The following TLR5 variants were observed in gnomAD, a reference collection of about 807,000 sequenced individuals.
TLR5 encodes toll like receptor 5.
For missense variants in TLR5, 944 were observed against 999.8 expected, an observed-to-expected ratio of 0.94 and a Z score of 0.75; for synonymous variants, 373 against 384.4, an observed-to-expected ratio of 0.97 and a Z score of 0.35.
Position 223,134,718 on chromosome 1 carries a change from T to C in TLR5, c.-206A>G, listed in dbSNP as rs1422830236. The C allele has an allele frequency of 6.6e-6, 1 of 152,196 alleles. No homozygotes were observed. The highest frequency in any genetic ancestry group is 2.4e-5 in the African/African-American group (1 of 41,374). The allele number at this position is 152,196 out of a possible 1,614,324, so 9.4% of individuals were successfully genotyped here. On this transcript the variant is annotated 5_prime_UTR_variant, in exon 4 of 6. An upstream open reading frame in the 5' UTR loses its in-frame stop. Transcript: ENST00000642603. ...TTCGGACAGCGCCAACATTCTCAAT[T>C]AGAAAATTAACATCTGAGGCTCCGA...
chr1:223,138,022 G>A (rs747599875), intron 2 of TLR5, among the ~76,000 whole-genome samples: 52 of 128,260 alleles, frequency 4.1e-4, no homozygotes, highest in Middle Eastern at 4.7e-3. Flanking sequence ...GAAGTGGTGC[G>A]ATCAGAGCTC....
rs533730130 is a variant in TLR5, at chr1:223,136,611, G to A, written c.-353+567C>T. On this transcript the variant is annotated intron_variant, in intron 3 of 5. Coordinates refer to ENST00000642603, the MANE Select transcript of TLR5 (RefSeq NM_003268.6). ...TTATATCTCTGACCAAGATGAGGAGGAATCTCAGACCCCAGAAACTCAGGA... is the reference window on the plus strand; with the variant it reads ...TTATATCTCTGACCAAGATGAGGAGAAATCTCAGACCCCAGAAACTCAGGA... Among the ~76,000 whole-genome samples, 17 of 152,290 alleles carry A rather than the reference G, an allele frequency of 1.1e-4. 1 individual carries two copies. The highest frequency in any genetic ancestry group is 6.5e-4 in the Admixed American group (10 of 15,292).
chr1:223,133,275 C>G (rs1657465188), intron 4 of TLR5, among the ~76,000 whole-genome samples: 1 of 152,148 alleles, frequency 6.6e-6, no homozygotes, highest in Non-Finnish European at 1.5e-5. Context: ...CTGTGGAGCT[C>G]GGATTTGAAT....
At chr1:223,133,076 GA>G (rs1327389939) in intron 4 of TLR5, among the ~76,000 whole-genome samples, 1 of 152,186 alleles carries the variant, frequency 6.6e-6, no homozygotes, top group Non-Finnish European at 1.5e-5. Context: ...ATGAGAGTGA[GA>G]CATTTCTAAG....
In TLR5 at chr1:223,112,727, A is replaced by T; in HGVS notation, c.305T>A (p.Leu102Gln). 1 of 1,614,258 alleles carries T rather than the reference A, an allele frequency of 6.2e-7. No homozygotes were observed. Among genetic ancestry groups the T allele is most frequent in the South Asian group, 1.1e-5 (1 of 91,078 alleles). ...RNLPNLRILD[L>Q]GSSKIYFLHP... ...CAAGAAGTATATCTTACTACTTCCC[A>T]GGTCCAAGATTCTAAGGTTGGGCAG... The change falls in exon 6 of 6, where the codon CTG (leucine) becomes CAG (glutamine). Residue 102 changes from leucine (L) to glutamine (Q), a missense_variant. By Grantham distance (113) the Leu-to-Gln change is moderately radical (BLOSUM62 -2). Coordinates refer to ENST00000642603, the MANE Select transcript of TLR5 (RefSeq NM_003268.6).
rs749687702 is a variant in TLR5 at position 223,112,316 on chromosome 1, G to C, written c.716C>G (p.Thr239Arg). Residue 239 changes from threonine (T) to arginine (R), a missense_variant, in exon 6 of 6, where the codon ACA becomes AGA. Coordinates refer to ENST00000642603, the MANE Select transcript of TLR5 (RefSeq NM_003268.6). The part of the protein sequence containing the change: ...EILDVSGNGW[T>R]VDITGNFSNA... ...GCTAAAGTTTCCTGTGATGTCCACT[G>C]TCCAGCCATTTCCAGAAACATCTAG... 7.4e-6 allele frequency: 12 copies of C among 1,614,122 alleles called. No individual in the cohort carries two copies. The South Asian group carries it at 1.3e-4, about 18-fold the overall frequency.
At position 223,112,630 on chromosome 1, in the gene TLR5, A is replaced by G. The variant is rs1656416669; in HGVS notation, c.402T>C (p.Ala134=). 1.5e-5 allele frequency: 25 copies of G among 1,614,130 alleles called. No homozygotes were observed. Among genetic ancestry groups the G allele is most frequent in the Non-Finnish European group, 2.0e-5 (24 of 1,180,054 alleles). ...LRLYFCGLSD[A]VLKDGYFRNL... ...TTCTGAAATAACCATCTTTCAATAC[A>G]GCATCAGAGAGACCACAGAAATACA... The change falls in exon 6 of 6, where the codon GCT becomes GCC. Residue 134 remains alanine (A), a synonymous_variant. Transcript: ENST00000642603.
chr1:223,110,489 T>C lies in TLR5; in HGVS notation c.2543A>G (p.Asn848Ser). Residue 848 changes from asparagine to serine, a missense_variant, in exon 6 of 6, where the codon AAC (asparagine) becomes AGC (serine). Asn to Ser is a conservative substitution (Grantham distance 46, BLOSUM62 1). Coordinates refer to ENST00000642603, the MANE Select transcript of TLR5 (RefSeq NM_003268.6). Reference protein sequence around the residue: ...KKEKEKKKDNNIPLQTVATIS With the variant: ...KKEKEKKKDNSIPLQTVATIS ...GGTTGCTACAGTTTGCAACGGAATGTTATTGTCTTTCTTCTTTTCTTTTTC... is the reference window on the plus strand; with the variant it reads ...GGTTGCTACAGTTTGCAACGGAATGCTATTGTCTTTCTTCTTTTCTTTTTC... 1.2e-6 allele frequency: 2 copies of C among 1,614,140 alleles called. No individual in the cohort carries two copies. The highest frequency in any genetic ancestry group is 1.7e-6 in the Non-Finnish European group (2 of 1,180,020).
chr1:223,133,146 G>A (rs1306196997), intron 4 of TLR5, among the ~76,000 whole-genome samples: 3 of 152,114 alleles, frequency 2.0e-5, no homozygotes, highest in South Asian at 2.1e-4. Context: ...ATTGGATTTC[G>A]GGTTTCGGGT....
chr1:223,124,515 T>C (rs1391224763), intron 5 of TLR5, among the ~76,000 whole-genome samples: 2 of 151,836 alleles, frequency 1.3e-5, no homozygotes, highest in African/African-American at 2.4e-5. Context: ...TTTAGCCAAG[T>C]TAAATTCTTA....
intron 3 of TLR5, 135 bp downstream of exon 3, chr1:223,137,043 G>C (rs1012603959): frequency 6.6e-6 from 1 of 152,088 alleles, no homozygotes; most frequent in Non-Finnish European, 1.5e-5. Context: ...GGCTGGTCTC[G>C]AACTCCTGGG....
At chr1:223,123,977 A>G (rs1193116429) in intron 5 of TLR5, 3 of 152,252 alleles carry the variant, frequency 2.0e-5, no homozygotes, top group African/African-American at 4.8e-5. Flanking sequence ...TGTTAAAAGG[A>G]TGCTAAAAAG....
chr1:223,131,454 G>A lies in TLR5; in HGVS notation c.-5+1021C>T, dbSNP rs940672478. 6.6e-6 allele frequency among the ~76,000 whole-genome samples: 1 copy of A among 152,214 alleles called. No individual in the cohort carries two copies. Among genetic ancestry groups the A allele is most frequent in the African/African-American group, 2.4e-5 (1 of 41,448 alleles). ...CCTGGGGCTTGGAATGCTCGTGAAT[G>A]TCTCATCTGCTCATCCCATTCCAAC... On this transcript the variant is annotated intron_variant, in intron 5 of 5. Coordinates refer to ENST00000642603, the MANE Select transcript of TLR5 (RefSeq NM_003268.6). This position sits in a 1 kb window ranked among gnomAD's most constrained non-coding sequence, Gnocchi z 4.2.
rs144752838 is a variant in TLR5, at chr1:223,109,933, G to A, written c.*522C>T. ...GACTCATTCATCCCAGCTTCTTTGGGGCCACCTCTTATCTATGAGACAAAG... is the reference window on the plus strand; with the variant it reads ...GACTCATTCATCCCAGCTTCTTTGGAGCCACCTCTTATCTATGAGACAAAG... On this transcript the variant is annotated 3_prime_UTR_variant, in exon 6 of 6. Transcript: ENST00000642603. 1.2e-5 allele frequency: 2 copies of A among 168,908 alleles called. No individual in the cohort carries two copies. The highest frequency in any genetic ancestry group is 4.8e-5 in the African/African-American group (2 of 41,614). 10.5% of individuals were successfully genotyped at this position (168,908 alleles called of 1,614,324 possible). A position where few individuals can be genotyped will look rare whatever the true frequency, so the allele number is the denominator to read the frequency against.
At chr1:223,141,816 T>TAGAG (rs1657873748) in intron 1 of TLR5, 53 bp from the exon 2 acceptor site, 5 of 43,530 alleles carry the variant, frequency 1.1e-4, no homozygotes, top group Non-Finnish European at 1.3e-4. Context: ...TATATATATA[T>TAGAG]ATATATAGAG....
Position 223,112,941 on chromosome 1 carries a change from C to T in TLR5, c.91G>A (p.Ala31Thr). The T allele has an allele frequency of 6.8e-6, 11 of 1,614,176 alleles. No individual in the cohort carries two copies. Among genetic ancestry groups the T allele is most frequent in the Non-Finnish European group, 9.3e-6 (11 of 1,180,042 alleles). ...IPSCSFDGRI[A>T]FYRFCNLTQV... ...GTGAGGTTGCAGAAACGATAAAAGG[C>T]TATTCGGCCATCAAAGGAGCAGGAA... The change falls in exon 6 of 6, where the codon GCC becomes ACC. Residue 31 changes from alanine to threonine, a missense_variant. Ala to Thr is a moderately conservative substitution (Grantham distance 58). Transcript: ENST00000642603.
intron 5 of TLR5, among the ~76,000 whole-genome samples, chr1:223,121,030 C>T (rs1236925335): frequency 6.6e-6 from 1 of 152,218 alleles, no homozygotes. Context: ...CTGCAGTGAG[C>T]TGTGTTTGTG....
chr1:223,121,509 T>C (rs851193), intron 5 of TLR5, among the ~76,000 whole-genome samples: 100,180 of 152,058 alleles, frequency 0.66, 34,205 homozygotes, highest in African/African-American at 0.84. Flanking sequence ...ATTCTTTCCA[T>C]CTACATAGTT....
At chr1:223,113,949 C>T (rs896319532) in intron 5 of TLR5, among the ~76,000 whole-genome samples, 33 of 152,184 alleles carry the variant, frequency 2.2e-4, no homozygotes, top group African/African-American at 7.2e-4. Context: ...CTGTTTTTCT[C>T]CCTTAATTTG....
Sources: allele counts gnomAD v4.1 joint callset (sites outside exome capture counted in the v4.1 genomes callset), GRCh38; gene constraint gnomAD v4.1.1; non-coding constraint Gnocchi (gnomAD v3.1); transcripts MANE v1.5; gene names NCBI Gene and HGNC (gene_info 2026-07-23, HGNC 2026-07-21).